Variants in SPG11 observed in about 807,000 individuals in gnomAD.
The protein encoded by SPG11 is SPG11 vesicle trafficking associated, spatacsin.
SPG11 carries 222 observed loss-of-function variants against 274.0 expected under a neutral mutation model. The ratio of observed to expected loss-of-function variants is 0.81; its 90% CI spans 0.73 to 0.91. The LOEUF is 0.91. SPG11 is among the 40% of genes least tolerant of loss of function. The pLI is 0.00. For synonymous variants in SPG11, 1,144 were observed against 1,039.7 expected (o/e 1.10, Z -1.93); for missense variants, 3,114 against 2,872.7 (o/e 1.08, Z -1.92).
chr15:44,653,613 G>A (rs2084849901), intron 4 of SPG11, among the ~76,000 whole-genome samples: 1 of 152,248 alleles, frequency 6.6e-6, no homozygotes, highest in East Asian at 1.9e-4. Context: ...AGAGATAATG[G>A]TGGCATAGAG....
At chr15:44,642,354 G>C in intron 7 of SPG11, among the ~76,000 whole-genome samples, 1 of 100,924 alleles carries the variant, frequency 9.9e-6, no homozygotes, top group East Asian at 2.8e-4. Context: ...GACAGAGTAA[G>C]ACTCCATCTC....
At position 44,563,214 on chromosome 15, in the gene SPG11, C is replaced by CTT; in HGVS notation, c.7237_7238dup (p.Leu2414SerfsTer12). The stretch of plus-strand genomic sequence containing the variant: ...CATAAAACTTGTGTTCGTATGCCAA[C>CTT]TTGTAATACAGGTAAACATCTTCAC... On this transcript the variant is annotated frameshift_variant, in exon 40 of 40. Transcript: ENST00000261866. LOFTEE classifies it high-confidence loss of function. The CTT allele has an allele frequency of 1.9e-6, 3 of 1,614,112 alleles. No homozygotes were observed. Among genetic ancestry groups the CTT allele is most frequent in the Non-Finnish European group, 2.5e-6 (3 of 1,179,952 alleles).
rs2141139081 is a variant in SPG11 at position 44,663,595 on chromosome 15, C to T, written c.53G>A (p.Gly18Asp). ...TAGAACCCGCCCCATGGCCGCGGTG[C>T]CCCAGCTACCGCCGGCGGAAGCAGC... ...ASAASAGGSW[G>D]TAAMGRVLPM... The change falls in exon 1 of 40, where the codon GGC becomes GAC. Residue 18 changes from glycine to aspartate, a missense_variant. Gly to Asp is a moderately conservative substitution (Grantham distance 94). Coordinates refer to ENST00000261866, the MANE Select transcript of SPG11 (RefSeq NM_025137.4). 1.3e-6 allele frequency: 2 copies of T among 1,596,240 alleles called. No homozygotes were observed. Among genetic ancestry groups the T allele is most frequent in the Non-Finnish European group, 8.5e-7 (1 of 1,174,820 alleles).
rs776212985 is a variant in SPG11, at chr15:44,570,696, C to G, written c.6344-38G>C. 5 of 1,605,748 alleles carry G rather than the reference C, an allele frequency of 3.1e-6. No homozygotes were observed. In the African/African-American group the frequency reaches 6.7e-5, roughly 21 times the overall value. Reference sequence around the variant, plus strand: ...GCACTGGTAAGATAAGATTATGAACCCTGGCTGCCCACTGTCAACCTCTGC... The same window carrying G: ...GCACTGGTAAGATAAGATTATGAACGCTGGCTGCCCACTGTCAACCTCTGC... On this transcript the variant is annotated intron_variant, in intron 33 of 39. Transcript: ENST00000261866.
chr15:44,569,803 G>A (rs1370089091), intron 34 of SPG11, among the ~76,000 whole-genome samples: 3 of 150,030 alleles, frequency 2.0e-5, no homozygotes, highest in Non-Finnish European at 4.4e-5. Flanking sequence ...TGCAACCTCC[G>A]CCTCCCGGGT....
rs182556845 is a variant in SPG11 at position 44,590,195 on chromosome 15, C to A, written c.4744-781G>T. Among the ~76,000 whole-genome samples, 494 of 152,318 alleles carry A rather than the reference C, an allele frequency of 3.2e-3. 2 individuals are homozygous for A. Among genetic ancestry groups the A allele is most frequent in the African/African-American group, 0.011 (462 of 41,564 alleles). On this transcript the variant is annotated intron_variant, in intron 27 of 39. Transcript: ENST00000261866. ...TATAAAAACCGCTTAGAAAGACGTG[C>A]CTAACATTACTTCGCTAGTTCTACC...
intron 21 of SPG11, chr15:44,600,205 GTA>G (rs1352248136): frequency 2.4e-6 from 1 of 411,682 alleles, no homozygotes; most frequent in Non-Finnish European, 4.5e-6. Flanking sequence ...GTTAACTGTG[GTA>G]TGTTTCCAGT....
chr15:44,626,397 T>G lies in SPG11; in HGVS notation c.2178A>C (p.Leu726=). 1 of 1,613,836 alleles carries G rather than the reference T, an allele frequency of 6.2e-7. No individual in the cohort carries two copies. Among genetic ancestry groups the G allele is most frequent in the Non-Finnish European group, 8.5e-7 (1 of 1,179,918 alleles). ...QKLEELIGIG[L]NLVFDNLKKN... ...TTTTTAAATTGTCAAAGACCAAATTTAGGCCTATGCCAATAAGCTCCTCAA... is the reference window on the plus strand; with the variant it reads ...TTTTTAAATTGTCAAAGACCAAATTGAGGCCTATGCCAATAAGCTCCTCAA... Residue 726 remains leucine, a synonymous_variant, in exon 11 of 40, where the codon CTA becomes CTC. Transcript: ENST00000261866.
intron 26 of SPG11, among the ~76,000 whole-genome samples, chr15:44,594,304 T>G (rs2082977159): frequency 6.6e-6 from 1 of 151,830 alleles, no homozygotes; most frequent in African/African-American, 2.4e-5. Flanking sequence ...CACGCGCCTG[T>G]AGTCCAAGCT....
At chr15:44,576,476 G>A (rs143551412) in intron 30 of SPG11, among the ~76,000 whole-genome samples, 32 of 151,668 alleles carry the variant, frequency 2.1e-4, no homozygotes, top group African/African-American at 5.8e-4. Context: ...GTGAAACCCC[G>A]TCTCTACTAA....
At chr15:44,656,140 G>A (rs1023043356) in intron 4 of SPG11, among the ~76,000 whole-genome samples, 7 of 152,154 alleles carry the variant, frequency 4.6e-5, no homozygotes, top group African/African-American at 1.4e-4. Flanking sequence ...AGAGATTAAT[G>A]GAGGTTTGAG....
At chr15:44,596,060 T>G (rs2083028471) in intron 25 of SPG11, 23 bp downstream of exon 25, 2 of 1,612,440 alleles carry the variant, frequency 1.2e-6, no homozygotes, top group Admixed American at 1.7e-5. Flanking sequence ...GGGTACTTAC[T>G]TCAGGCTTCT....
At chr15:44,616,192 A>C (rs1038184473) in intron 15 of SPG11, among the ~76,000 whole-genome samples, 1 of 150,778 alleles carries the variant, frequency 6.6e-6, no homozygotes, top group Non-Finnish European at 1.5e-5. Flanking sequence ...GACTTTTATG[A>C]TAATCATTCC....
In SPG11 at chr15:44,565,681, A is replaced by T. The variant is rs2082292670; in HGVS notation, c.6999+173T>A. Among the ~76,000 whole-genome samples, 3 of 152,174 alleles carry T rather than the reference A, an allele frequency of 2.0e-5. No homozygotes were observed. In the South Asian group the frequency reaches 6.2e-4, roughly 32 times the overall value. On this transcript the variant is annotated intron_variant, in intron 38 of 39. Transcript: ENST00000261866. ...TTCTCTAACCTCTGCCCAACAATATACTAGAGAGAAATACATCAAATTGCC... is the reference window on the plus strand; with the variant it reads ...TTCTCTAACCTCTGCCCAACAATATTCTAGAGAGAAATACATCAAATTGCC...
In SPG11 at chr15:44,651,445, C is replaced by T. The variant is rs2084772468; in HGVS notation, c.1456+46G>A. 2.0e-6 allele frequency: 3 copies of T among 1,532,284 alleles called. No homozygotes were observed. The East Asian group carries it at 6.8e-5, about 35-fold the overall frequency. 94.9% of individuals were successfully genotyped at this position (1,532,284 alleles called of 1,614,324 possible). A position where few individuals can be genotyped will look rare whatever the true frequency, so the allele number is the denominator to read the frequency against. On this transcript the variant is annotated intron_variant, in intron 6 of 39. Transcript: ENST00000261866. ...GCAGAAGTAAAATACAGTAGGAAAG[C>T]ATACATCTCAGCAATGGATTTCAAT...
Position 44,572,696 on chromosome 15 carries a change from C to T in SPG11, c.6330G>A (p.Gly2110=), listed in dbSNP as rs35932349. ...LLDKISSVPH[G]ELSCTTELLI... ...TCAATAACTTACTGCAAGACAGTTC[C>T]CCATGGGGAACGGAGGAAATCTTAT... is the stretch of plus-strand genomic sequence containing the variant. Residue 2110 remains glycine (G), a synonymous_variant, in exon 33 of 40, where the codon GGG becomes GGA. Transcript: ENST00000261866. 16,723 of 1,614,046 alleles carry T rather than the reference C, an allele frequency of 0.01. 337 individuals are homozygous for T. The highest frequency in any genetic ancestry group is 0.076 in the East Asian group (3,422 of 44,866).
In SPG11 at chr15:44,567,442, T is replaced by C. The variant is rs770110397; in HGVS notation, c.6736A>G (p.Ile2246Val). 28 of 1,610,210 alleles carry C rather than the reference T, an allele frequency of 1.7e-5. No individual in the cohort carries two copies. The highest frequency in any genetic ancestry group is 8.4e-5 in the Admixed American group (5 of 59,820). Reference sequence around the variant, plus strand: ...CACTCACCCCAGGGCTGAGACTCAATCAATTTCAGTTGGATGCGGGCAGCT... The same window carrying C: ...CACTCACCCCAGGGCTGAGACTCAACCAATTTCAGTTGGATGCGGGCAGCT... ...EAAARIQLKL[I>V]ESQPWEDSLK... Residue 2246 changes from isoleucine (I) to valine (V), a missense_variant, in exon 36 of 40, where the codon ATT becomes GTT. Transcript: ENST00000261866.
intron 29 of SPG11, 121 bp from the exon 30 acceptor site, chr15:44,584,679 A>T: frequency 8.1e-7 from 1 of 1,230,920 alleles, no homozygotes; most frequent in Non-Finnish European, 1.2e-6. Context: ...CCCAGGCTGG[A>T]GAGCAGTGGT....
At chr15:44,566,997 C>T (rs900368654) in intron 36 of SPG11, among the ~76,000 whole-genome samples, 10 of 151,982 alleles carry the variant, frequency 6.6e-5, no homozygotes, top group African/African-American at 9.7e-5. Context: ...GCCACTGTGC[C>T]GGGCCACCTA....
Sources: gnomAD v4.1 joint callset for allele counts (sites outside exome capture counted in the v4.1 genomes callset) on GRCh38, gnomAD v4.1.1 for gene constraint, MANE v1.5 for transcripts, NCBI Gene and HGNC (gene_info 2026-07-23, HGNC 2026-07-21) for gene names.